Variants in XKR9 observed in about 807,000 individuals in gnomAD.
XKR9 encodes the protein XK-related protein 9.
A neutral mutation model predicts 32.0 loss-of-function variants in XKR9; 32 were observed. That is an observed-to-expected ratio of 1.00 (90% confidence interval 0.76 to 1.34). The LOEUF is 1.34. Ranked by LOEUF, XKR9 falls within the 40% of genes most tolerant of loss-of-function variation. The pLI is 0.00. For synonymous variants in XKR9, 168 were observed against 143.4 expected (o/e 1.17, Z -1.22); for missense variants, 546 against 429.7 (o/e 1.27, Z -2.39).
the XKR9 span, among the ~76,000 whole-genome samples, chr8:70,978,849 C>A: frequency 1.3e-5 from 2 of 152,190 alleles, no homozygotes; most frequent in Non-Finnish European, 2.9e-5. Context: ...TGGTTCCATT[C>A]TCCGCGTCAC....
intron 2 of XKR9, among the ~76,000 whole-genome samples, chr8:70,676,151 T>G (rs573602967): frequency 6.6e-6 from 1 of 152,268 alleles, no homozygotes; most frequent in South Asian, 2.1e-4. Context: ...AGGAAGCACG[T>G]GTCTCACGTG....
intron 3 of XKR9, among the ~76,000 whole-genome samples, chr8:70,705,093 T>C (rs1047460135): frequency 3.3e-5 from 5 of 152,194 alleles, no homozygotes; most frequent in African/African-American, 1.2e-4. Context: ...TTATCTTATT[T>C]ACAATGGGAA....
the XKR9 span, among the ~76,000 whole-genome samples, chr8:71,018,720 A>G: frequency 6.6e-6 from 1 of 152,230 alleles, no homozygotes; most frequent in African/African-American, 2.4e-5. Flanking sequence ...CAAGGATGGG[A>G]AAGTATTTGT....
At chr8:70,843,909 C>T in the XKR9 span, among the ~76,000 whole-genome samples, 1 of 152,196 alleles carries the variant, frequency 6.6e-6, no homozygotes, top group East Asian at 1.9e-4. Flanking sequence ...GCCACAACAG[C>T]CCCTGCATCT....
chr8:70,758,673 A>G (rs938622098), intron 2 of XKR9, among the ~76,000 whole-genome samples: 1 of 152,254 alleles, frequency 6.6e-6, no homozygotes, highest in African/African-American at 2.4e-5. Flanking sequence ...TCGTTCACAA[A>G]TAACACCTGT....
chr8:70,738,680 C>T (rs1480914285), downstream of XKR9, among the ~76,000 whole-genome samples: 1 of 151,950 alleles, frequency 6.6e-6, no homozygotes, highest in Non-Finnish European at 1.5e-5. Flanking sequence ...TCTTTGTTCT[C>T]GTTGGTTTCA....
chr8:70,776,437 C>T (rs984436300), intron 2 of XKR9, among the ~76,000 whole-genome samples: 5 of 152,052 alleles, frequency 3.3e-5, no homozygotes, highest in Non-Finnish European at 5.9e-5. Context: ...ATTTTCTCTT[C>T]TGAAAGAATT....
intron 3 of XKR9, among the ~76,000 whole-genome samples, chr8:70,690,511 T>C (rs1380088807): frequency 6.6e-6 from 1 of 151,676 alleles, no homozygotes; most frequent in East Asian, 1.9e-4. Flanking sequence ...TTTTTTTTTT[T>C]TTTTGTATTT....
chr8:70,787,781 T>G (rs1027298972), intron 2 of XKR9, among the ~76,000 whole-genome samples: 2 of 152,092 alleles, frequency 1.3e-5, no homozygotes, highest in Non-Finnish European at 2.9e-5. Flanking sequence ...ACATGATACA[T>G]TTTGACTAGC....
chr8:70,687,346 C>CTT (rs768261551), intron 3 of XKR9, among the ~76,000 whole-genome samples: 1 of 148,244 alleles, frequency 6.7e-6, no homozygotes. Flanking sequence ...TTCTTTCTTT[C>CTT]TTTCTTTCTT....
At chr8:70,811,921 A>AT in the XKR9 span, among the ~76,000 whole-genome samples, 1 of 152,016 alleles carries the variant, frequency 6.6e-6, no homozygotes. Context: ...AAAAGAGGGA[A>AT]TCCTCCCTAA....
At chr8:70,940,190 G>A in the XKR9 span, among the ~76,000 whole-genome samples, 1 of 151,946 alleles carries the variant, frequency 6.6e-6, no homozygotes, top group African/African-American at 2.4e-5. Context: ...TTCTGTCACT[G>A]GGATCTGGAA....
the XKR9 span, among the ~76,000 whole-genome samples, chr8:70,896,014 A>G: frequency 3.3e-5 from 5 of 152,100 alleles, no homozygotes; most frequent in Non-Finnish European, 5.9e-5. Context: ...CTTTAAAAAA[A>G]GAAGATTTTT....
chr8:70,793,269 A>G (rs1011121938), downstream of XKR9, among the ~76,000 whole-genome samples: 1 of 152,080 alleles, frequency 6.6e-6, no homozygotes, highest in African/African-American at 2.4e-5. Context: ...TTAATCCTCA[A>G]TATGGAAGTA....
At position 70,755,994 on chromosome 8, in the gene XKR9, T is replaced by G. The variant is rs1586885292; in HGVS notation, n.353-33345T>G. 3.9e-5 allele frequency among the ~76,000 whole-genome samples: 6 copies of G among 152,328 alleles called. No individual in the cohort carries two copies. In the South Asian group the frequency reaches 1.2e-3, roughly 32 times the overall value. On this transcript the variant is annotated intron_variant and non_coding_transcript_variant, in intron 2 of 3. Transcript: ENST00000520273. ...CCTATGTTTTCTTCTAAGACTTTTATAATATATGCATTAGATTTACATTTA... is the reference window on the plus strand; with the variant it reads ...CCTATGTTTTCTTCTAAGACTTTTAGAATATATGCATTAGATTTACATTTA...
At chr8:70,983,983 A>G in the XKR9 span, among the ~76,000 whole-genome samples, 2 of 152,214 alleles carry the variant, frequency 1.3e-5, no homozygotes, top group African/African-American at 4.8e-5. Flanking sequence ...CAAAATAATG[A>G]TACCTTTAAG....
chr8:70,741,651 A>T (rs538129101), intron 2 of XKR9, among the ~76,000 whole-genome samples: 1 of 152,110 alleles, frequency 6.6e-6, no homozygotes, highest in South Asian at 2.1e-4. Context: ...TGATGAATGG[A>T]TTGATGAATG....
intron 4 of XKR9, among the ~76,000 whole-genome samples, chr8:70,714,661 A>G (rs945579548): frequency 2.0e-5 from 3 of 152,114 alleles, no homozygotes; most frequent in Non-Finnish European, 4.4e-5. Context: ...ATAATGTGCC[A>G]TAGGATTTTT....
chr8:70,983,880 T>G, the XKR9 span, among the ~76,000 whole-genome samples: 1 of 150,824 alleles, frequency 6.6e-6, no homozygotes, highest in African/African-American at 2.5e-5. Flanking sequence ...CTTTTGCTAT[T>G]TAAGTCGAAG....
Sources: gnomAD v4.1 joint callset for allele counts (sites outside exome capture counted in the v4.1 genomes callset) on GRCh38, gnomAD v4.1.1 for gene constraint, MANE v1.5 for transcripts, NCBI Gene and HGNC (gene_info 2026-07-23, HGNC 2026-07-21) for gene names.